The following EPS8L3 variants were observed in gnomAD, a reference collection of about 807,000 sequenced individuals.
EPS8L3 encodes EPS8 signaling adaptor L3.
EPS8L3 carries 80 observed loss-of-function variants against 88.5 expected under a neutral mutation model. The ratio of observed to expected loss-of-function variants is 0.90; its 90% CI spans 0.75 to 1.09. The LOEUF (loss-of-function observed/expected upper bound fraction) is 1.09. EPS8L3 is among the 50% of genes least tolerant of loss of function. The pLI is 0.00. For missense variants in EPS8L3, 721 were observed against 735.2 expected, an observed-to-expected ratio of 0.98 and a Z score of 0.22; for synonymous variants, 286 against 291.0, an observed-to-expected ratio of 0.98 and a Z score of 0.18.
chr1:109,761,986 A>G (rs1651023474), intron 1 of EPS8L3, among the ~76,000 whole-genome samples: 1 of 151,976 alleles, frequency 6.6e-6, no homozygotes, highest in Non-Finnish European at 1.5e-5. Context: ...CCCCGGGCTG[A>G]GGGAAGGGAG....
At chr1:109,758,089 G>C (rs369628426) in intron 8 of EPS8L3, 31 bp from the exon 9 acceptor site, 2 of 1,590,328 alleles carry the variant, frequency 1.3e-6, no homozygotes, top group Admixed American at 1.7e-5. Flanking sequence ...GGCCTTGAAC[G>C]GGCAGTTGGG....
chr1:109,757,017 C>T lies in EPS8L3; in HGVS notation c.1118G>A (p.Arg373Gln), dbSNP rs748300383. ...MGLGPAWTTS[R>Q]ADWTGDEPLP... The stretch of plus-strand genomic sequence containing the variant: ...CAGTTCAGGCTTTGTCTTCACTCAC[C>T]GGCTAGTGGTCCAGGCTGGGCCCAA... Residue 373 changes from arginine to glutamine, a missense_variant and splice_region_variant, in exon 12 of 19, where the codon CGG becomes CAG. Arg to Gln is a conservative substitution (Grantham distance 43). Coordinates refer to ENST00000361965, the MANE Select transcript of EPS8L3 (RefSeq NM_133181.4). The T allele has an allele frequency of 2.2e-5, 36 of 1,614,072 alleles. No homozygotes were observed. Among genetic ancestry groups the T allele is most frequent in the Non-Finnish European group, 2.9e-5 (34 of 1,180,020 alleles).
Position 109,759,839 on chromosome 1 carries a change from G to A in EPS8L3, c.97-3C>T. 3.7e-6 allele frequency: 6 copies of A among 1,613,496 alleles called. No individual in the cohort carries two copies. Among genetic ancestry groups the A allele is most frequent in the Non-Finnish European group, 5.1e-6 (6 of 1,179,794 alleles). ...CCCTGCTTGCATGTCATCAAGTGCT[G>A]CAGGGAGAGGGGGAGTCCTAGGACT... On this transcript the variant is annotated splice_polypyrimidine_tract_variant and splice_region_variant and intron_variant, in intron 3 of 18. Transcript: ENST00000361965. The surrounding 1 kb of genome is among the most constrained non-coding windows in gnomAD (Gnocchi z 4.2).
Position 109,751,648 on chromosome 1 carries a change from TA to T in EPS8L3, c.1563+5del, listed in dbSNP as rs1649800016. 6.2e-7 allele frequency: 1 copy of T among 1,613,712 alleles called. No individual in the cohort carries two copies. The highest frequency in any genetic ancestry group is 1.3e-5 in the African/African-American group (1 of 74,814). ...AGGGCTCTGGATAGTCCAGGCTGGG[TA>T]GTACCCGAGAGGGTGACTGGCCCTG... On this transcript the variant is annotated splice_donor_5th_base_variant and intron_variant, in intron 16 of 18. Coordinates refer to ENST00000361965, the MANE Select transcript of EPS8L3 (RefSeq NM_133181.4).
intron 1 of EPS8L3, among the ~76,000 whole-genome samples, chr1:109,763,498 T>C (rs1270458660): frequency 6.6e-6 from 1 of 152,112 alleles, no homozygotes; most frequent in Non-Finnish European, 1.5e-5. Context: ...TGGCCTGCCT[T>C]GCCCCTTAGG....
chr1:109,752,268 C>CCAGAA, intron 14 of EPS8L3, 75 bp from the exon 15 acceptor site: 1 of 1,392,266 alleles, frequency 7.2e-7, no homozygotes. Flanking sequence ...TGAGATTCCC[C>CCAGAA]TCAGGTATCT....
chr1:109,760,189 C>G (rs1363216429), intron 3 of EPS8L3, among the ~76,000 whole-genome samples: 1 of 152,162 alleles, frequency 6.6e-6, no homozygotes, highest in African/African-American at 2.4e-5. Flanking sequence ...GGAGGTGATA[C>G]AGGACCCTCA....
At chr1:109,763,668 G>T (rs1371934577) in intron 1 of EPS8L3, among the ~76,000 whole-genome samples, 154 bp downstream of exon 1, 7 of 152,202 alleles carry the variant, frequency 4.6e-5, no homozygotes, top group Admixed American at 3.9e-4. Context: ...GCCAGCTGCT[G>T]AGTCCCAAGC....
intron 3 of EPS8L3, 65 bp downstream of exon 3, chr1:109,761,430 G>A (rs1419539371): frequency 8.5e-6 from 12 of 1,411,526 alleles, no homozygotes; most frequent in Non-Finnish European, 1.2e-5. Context: ...TTCTGGCAGG[G>A]CGGTGGGCAC....
In EPS8L3 at chr1:109,758,378, T is replaced by C; in HGVS notation, c.655A>G (p.Ser219Gly). 2 of 1,613,110 alleles carry C rather than the reference T, an allele frequency of 1.2e-6. No individual in the cohort carries two copies. Among genetic ancestry groups the C allele is most frequent in the Non-Finnish European group, 1.7e-6 (2 of 1,179,624 alleles). The change falls in exon 8 of 19, where the codon AGT becomes GGT. Residue 219 changes from serine to glycine, a missense_variant. By Grantham distance (56) the Ser-to-Gly change is moderately conservative. Transcript: ENST00000361965. ...CTTGGAGGAGGCAGAGTAAAGGCACTTGGTTCTCGGGCACTGGTGTGGCGT... is the reference window on the plus strand; with the variant it reads ...CTTGGAGGAGGCAGAGTAAAGGCACCTGGTTCTCGGGCACTGGTGTGGCGT... Reference protein sequence around the residue: ...LPRHTSAREPSAFTLPPPRRS... With the variant: ...LPRHTSAREPGAFTLPPPRRS...
chr1:109,750,975 G>C (rs1322262889), intron 17 of EPS8L3, among the ~76,000 whole-genome samples, 183 bp from the exon 18 acceptor site: 3 of 152,314 alleles, frequency 2.0e-5, no homozygotes, highest in East Asian at 3.9e-4. Flanking sequence ...AGAACTTCCA[G>C]ATTTGAAAGA....
At chr1:109,761,922 T>A in intron 1 of EPS8L3, 149 bp from the exon 2 acceptor site, 1 of 652,476 alleles carries the variant, frequency 1.5e-6, no homozygotes, top group South Asian at 1.8e-5. Flanking sequence ...TCCGGAGCCA[T>A]CTGCAGCCAG....
chr1:109,751,583 C>A, intron 16 of EPS8L3, 71 bp downstream of exon 16: 1 of 1,603,836 alleles, frequency 6.2e-7, no homozygotes, highest in South Asian at 1.1e-5. Context: ...CCTCTGCTTG[C>A]CACTGAATCC....
rs1448516555 is a variant in EPS8L3 at position 109,752,136 on chromosome 1, G to A, written c.1293C>T (p.Asn431=). ...TGGGGTCCCCAGGCTGAGGGTCATGGTTGTGTGTCTTCTCCTGAGGAAAGT... is the reference window on the plus strand; with the variant it reads ...TGGGGTCCCCAGGCTGAGGGTCATGATTGTGTGTCTTCTCCTGAGGAAAGT... ...TSHFPQEKTH[N]HDPQPGDPNS... is the part of the protein sequence containing the mutation. Residue 431 remains asparagine, a synonymous_variant, in exon 15 of 19, where the codon AAC becomes AAT. Transcript: ENST00000361965. 2 of 1,614,160 alleles carry A rather than the reference G, an allele frequency of 1.2e-6. No individual in the cohort carries two copies. Among genetic ancestry groups the A allele is most frequent in the East Asian group, 4.5e-5 (2 of 44,880 alleles).
At chr1:109,757,717 G>A (rs1326342298) in intron 10 of EPS8L3, 85 bp downstream of exon 10, 2 of 1,496,050 alleles carry the variant, frequency 1.3e-6, no homozygotes, top group Non-Finnish European at 1.9e-6. Flanking sequence ...AAAAAGGCTT[G>A]GGATGGTTGA....
At chr1:109,756,946 A>G in intron 12 of EPS8L3, 71 bp downstream of exon 12, 1 of 1,592,610 alleles carries the variant, frequency 6.3e-7, no homozygotes, top group South Asian at 1.1e-5. Context: ...GAGCCTGGCC[A>G]CCTCTGATGT....
chr1:109,757,600 C>T, intron 10 of EPS8L3, 45 bp from the exon 11 acceptor site: 3 of 1,555,700 alleles, frequency 1.9e-6, no homozygotes, highest in Non-Finnish European at 2.7e-6. Context: ...CACCCCACCC[C>T]ATCTTCACCA....
chr1:109,751,401 A>C (rs776878892), intron 16 of EPS8L3, 50 bp from the exon 17 acceptor site: 8 of 1,570,660 alleles, frequency 5.1e-6, no homozygotes, highest in Admixed American at 5.1e-5. Flanking sequence ...CTCACAGCCA[A>C]CCACAGCCCC....
chr1:109,759,019 G>A lies in EPS8L3; in HGVS notation c.461+43C>T, dbSNP rs375467176. On this transcript the variant is annotated intron_variant, in intron 6 of 18. Transcript: ENST00000361965. This position sits in a 1 kb window ranked among gnomAD's most constrained non-coding sequence, Gnocchi z 4.2. ...GGGTCAGGGTCTGGCCCCCGAGGCT[G>A]AGCTGGGAGGCCCCATAGGTGGGCT... 2 of 1,562,300 alleles carry A rather than the reference G, an allele frequency of 1.3e-6. No homozygotes were observed. Among genetic ancestry groups the A allele is most frequent in the East Asian group, 4.7e-5 (2 of 42,834 alleles).
Sources: allele counts gnomAD v4.1 joint callset (sites outside exome capture counted in the v4.1 genomes callset), GRCh38; gene constraint gnomAD v4.1.1; non-coding constraint Gnocchi (gnomAD v3.1); transcripts MANE v1.5; gene names NCBI Gene and HGNC (gene_info 2026-07-23, HGNC 2026-07-21).